Variants in HOMER1 observed in about 807,000 individuals in gnomAD.
HOMER1 encodes homer scaffold protein 1, also known as homer protein homolog 1.
HOMER1 carries 3 observed loss-of-function variants against 48.9 expected under a neutral mutation model. That is an observed-to-expected ratio of 0.06 (90% CI 0.03 to 0.16). The LOEUF (loss-of-function observed/expected upper bound fraction) is 0.16, where lower values mean the gene tolerates loss of function less well. Ranked by LOEUF, HOMER1 falls within the 10% of genes least tolerant of loss-of-function variation. The pLI, the probability that HOMER1 is intolerant of heterozygous loss-of-function variation, is 1.00. For missense variants in HOMER1, 247 were observed against 411.4 expected (o/e 0.60, Z 3.46); for synonymous variants, 134 against 146.4 (o/e 0.92, Z 0.61).
chr5:79,417,553 C>T (rs1490355324), intron 5 of HOMER1, among the ~76,000 whole-genome samples: 4 of 152,204 alleles, frequency 2.6e-5, no homozygotes, highest in Non-Finnish European at 5.9e-5. Flanking sequence ...ATCAGTCTTA[C>T]ATACTAAATA....
At chr5:79,485,635 A>C (rs1049707270) in intron 1 of HOMER1, among the ~76,000 whole-genome samples, 1 of 152,224 alleles carries the variant, frequency 6.6e-6, no homozygotes, top group Non-Finnish European at 1.5e-5. Flanking sequence ...ATGGACTTTA[A>C]AAAATTACAA....
chr5:79,440,417 G>T (rs141480268), intron 4 of HOMER1, among the ~76,000 whole-genome samples: 75 of 152,268 alleles, frequency 4.9e-4, no homozygotes, highest in African/African-American at 1.8e-3. Flanking sequence ...AGCTGTTAAA[G>T]ATCAAAAGGA....
Position 79,512,805 on chromosome 5 carries a change from C to T in HOMER1, c.-31G>A. The T allele has an allele frequency of 6.2e-7, 1 of 1,611,876 alleles. No homozygotes were observed. The highest frequency in any genetic ancestry group is 1.3e-5 in the African/African-American group (1 of 75,010). On this transcript the variant is annotated 5_prime_UTR_variant, in exon 1 of 9. Transcript: ENST00000334082. ...CCAATGAAAACTTGCTCTGAAGTTT[C>T]AGCTCTTATGCTACGGAATAACTTC...
chr5:79,408,948 G>C (rs796818934), intron 5 of HOMER1, among the ~76,000 whole-genome samples: 3 of 151,954 alleles, frequency 2.0e-5, no homozygotes, highest in African/African-American at 7.2e-5. Context: ...TGGATGTGGT[G>C]GTGGGCGCCT....
In HOMER1 at chr5:79,392,846, T is replaced by G. The variant is rs1226756143; in HGVS notation, c.876+3977A>C. Among the ~76,000 whole-genome samples the G allele has an allele frequency of 3.3e-5, 5 of 152,210 alleles. No individual in the cohort carries two copies. In the East Asian group the frequency reaches 5.8e-4, roughly 18 times the overall value. ...TATTTTTACTGTACCTTTTCTATCG[T>G]TTCTACTGTATTTTTACTCTACCTT... On this transcript the variant is annotated intron_variant, in intron 8 of 8. Transcript: ENST00000334082.
rs1752987605 is a variant in HOMER1 at position 79,513,130 on chromosome 5, G to C, written c.-356C>G. The C allele has an allele frequency of 3.6e-6, 1 of 280,138 alleles. No homozygotes were observed. Among genetic ancestry groups the C allele is most frequent in the African/African-American group, 2.2e-5 (1 of 44,566 alleles). The allele number at this position is 280,138 out of a possible 1,614,324, so 17.4% of individuals were successfully genotyped here. A position where few individuals can be genotyped will look rare whatever the true frequency, so the allele number is the denominator to read the frequency against. On this transcript the variant is annotated 5_prime_UTR_variant, in exon 1 of 9. Coordinates refer to ENST00000334082, the MANE Select transcript of HOMER1 (RefSeq NM_004272.5). ...TGAGTTCGCTGGTCATTTCACTCAT[G>C]TCCTCCTCGACACTCAGGGAGAGCC...
At chr5:79,512,466 T>C (rs552110117) in intron 1 of HOMER1, among the ~76,000 whole-genome samples, 10 of 152,238 alleles carry the variant, frequency 6.6e-5, no homozygotes, top group Non-Finnish European at 1.2e-4. Context: ...TAATGTGATT[T>C]TGATTACAAA....
intron 2 of HOMER1, 50 bp from the exon 3 acceptor site, chr5:79,451,171 C>T: frequency 1.9e-6 from 3 of 1,591,562 alleles, no homozygotes; most frequent in Admixed American, 3.4e-5. Context: ...AGCAAACAGG[C>T]ATTTAAATAC....
At chr5:79,497,640 C>G (rs981453895) in intron 1 of HOMER1, among the ~76,000 whole-genome samples, 2 of 124,474 alleles carry the variant, frequency 1.6e-5, no homozygotes, top group Non-Finnish European at 3.2e-5. Context: ...GCCCAGGAGA[C>G]AGAGTAAGGC....
chr5:79,449,237 T>G (rs939983838), intron 3 of HOMER1, among the ~76,000 whole-genome samples: 4 of 139,768 alleles, frequency 2.9e-5, no homozygotes, highest in African/African-American at 1.1e-4. Flanking sequence ...TGCTATAGTC[T>G]TTAATAGGCA....
chr5:79,471,471 G>T (rs1414753849), intron 1 of HOMER1, among the ~76,000 whole-genome samples: 1 of 150,054 alleles, frequency 6.7e-6, no homozygotes, highest in Non-Finnish European at 1.5e-5. Flanking sequence ...TCTTGAACCT[G>T]GGAGGCAGAG....
intron 5 of HOMER1, among the ~76,000 whole-genome samples, chr5:79,415,211 G>A (rs552121066): frequency 6.6e-5 from 10 of 151,486 alleles, no homozygotes; most frequent in African/African-American, 1.7e-4. Context: ...GTGCCACCAC[G>A]CCTGGCTATT....
intron 5 of HOMER1, among the ~76,000 whole-genome samples, chr5:79,429,761 C>T (rs565101682): frequency 7.8e-4 from 119 of 152,298 alleles, no homozygotes; most frequent in Non-Finnish European, 1.4e-3. Flanking sequence ...TGGTGGCTCA[C>T]GCCTGTAATC....
intron 1 of HOMER1, among the ~76,000 whole-genome samples, chr5:79,497,662 G>GAA (rs1212983044): frequency 0.037 from 2,701 of 73,100 alleles, 117 homozygotes; most frequent in African/African-American, 0.12. Flanking sequence ...CTGTCTCAAA[G>GAA]AAAAAAAAAA....
chr5:79,461,593 C>A (rs1019530467), intron 1 of HOMER1, among the ~76,000 whole-genome samples: 1 of 152,132 alleles, frequency 6.6e-6, no homozygotes, highest in African/African-American at 2.4e-5. Flanking sequence ...ACCAAATAAT[C>A]CAGCATCTGG....
intron 8 of HOMER1, among the ~76,000 whole-genome samples, chr5:79,389,484 A>G (rs1209649573): frequency 6.6e-6 from 1 of 152,180 alleles, no homozygotes; most frequent in Admixed American, 6.5e-5. Context: ...TAAGAAGTGG[A>G]GCCTTTAAGA....
At position 79,374,794 on chromosome 5, in the gene HOMER1, C is replaced by T. The variant is rs368548072; in HGVS notation, c.*1215G>A. 3.3e-5 allele frequency: 5 copies of T among 152,142 alleles called. No individual in the cohort carries two copies. Among genetic ancestry groups the T allele is most frequent in the African/African-American group, 1.2e-4 (5 of 41,560 alleles). The allele number at this position is 152,142 out of a possible 1,614,324, so 9.4% of individuals were successfully genotyped here. ...GTCTTTTAAAATTACATCAAAACAA[C>T]ATTAAAACCTGTTCACTGAGAAGAG... On this transcript the variant is annotated 3_prime_UTR_variant, in exon 9 of 9. Transcript: ENST00000334082.
intron 6 of HOMER1, among the ~76,000 whole-genome samples, chr5:79,398,199 A>G (rs1476610396): frequency 1.3e-5 from 2 of 148,652 alleles, no homozygotes; most frequent in African/African-American, 2.4e-5. Context: ...AAAGAGTAAT[A>G]TAACTTTTAA....
At chr5:79,501,420 T>C (rs1028185422) in intron 1 of HOMER1, among the ~76,000 whole-genome samples, 2 of 152,186 alleles carry the variant, frequency 1.3e-5, no homozygotes, top group African/African-American at 2.4e-5. Context: ...TAATTAAGCT[T>C]TGGGAGAGTC....
Sources: gnomAD v4.1 joint callset for allele counts (sites outside exome capture counted in the v4.1 genomes callset) on GRCh38, gnomAD v4.1.1 for gene constraint, MANE v1.5 for transcripts, NCBI Gene and HGNC (gene_info 2026-07-23, HGNC 2026-07-21) for gene names.